CDKL4: variants seen among roughly 807,000 people sequenced by gnomAD.
CDKL4 encodes the protein cyclin dependent kinase like 4, also known as cyclin-dependent kinase-like 4.
Under a neutral mutation model 42.0 loss-of-function variants are expected in CDKL4, and 44 were observed. The ratio of observed to expected loss-of-function variants is 1.05; its 90% CI spans 0.82 to 1.35. The LOEUF is 1.35. Among genes scored for constraint, CDKL4 ranks in the 40% most tolerant of loss-of-function variants. The pLI is 0.00. For missense variants in CDKL4, 393 were observed against 369.9 expected (o/e 1.06, Z -0.51); for synonymous variants, 120 against 121.6 (o/e 0.99, Z 0.09).
At chr2:39,205,695 G>A (rs558370261) in intron 4 of CDKL4, among the ~76,000 whole-genome samples, 26 of 137,704 alleles carry the variant, frequency 1.9e-4, no homozygotes, top group Admixed American at 5.8e-4. Context: ...GGGAGGCAGA[G>A]CTTGCGGTGA....
intron 4 of CDKL4, among the ~76,000 whole-genome samples, chr2:39,211,350 T>G (rs1677575785): frequency 6.6e-6 from 1 of 152,138 alleles, no homozygotes; most frequent in African/African-American, 2.4e-5. Context: ...ATAACACCAC[T>G]GCACTCCAGC....
At chr2:39,169,275 T>G in the CDKL4 span, among the ~76,000 whole-genome samples, 3 of 152,306 alleles carry the variant, frequency 2.0e-5, no homozygotes, top group South Asian at 2.1e-4. Flanking sequence ...TTACACTCAT[T>G]AAAATCTAGT....
chr2:39,193,991 A>G (rs1331088235), intron 5 of CDKL4, among the ~76,000 whole-genome samples: 1 of 152,224 alleles, frequency 6.6e-6, no homozygotes, highest in Non-Finnish European at 1.5e-5. Flanking sequence ...CTCAGTAATA[A>G]ATGGTTCTAC....
intron 6 of CDKL4, among the ~76,000 whole-genome samples, chr2:39,188,344 C>T (rs778395089): frequency 6.6e-5 from 10 of 151,630 alleles, no homozygotes; most frequent in Admixed American, 1.3e-4. Flanking sequence ...AGGTGGATCA[C>T]GAAGTCAAGA....
Position 39,209,152 on chromosome 2 carries a change from T to TAAA in CDKL4, c.363+4247_363+4248insTTT, listed in dbSNP as rs1558566471. Among the ~76,000 whole-genome samples, 466 of 148,342 alleles carry TAAA rather than the reference T, an allele frequency of 3.1e-3. 9 individuals carry two copies. Among genetic ancestry groups the TAAA allele is most frequent in the East Asian group, 5.2e-3 (26 of 4,992 alleles). On this transcript the variant is annotated intron_variant, in intron 4 of 9. Transcript: ENST00000451199. ...TATCTCTACAAAAAAAAAAAAAAAT[T>TAAA]TTTTTTTTAAATTAGCCATGCATGA...
intron 3 of CDKL4, among the ~76,000 whole-genome samples, chr2:39,215,309 C>T (rs1250536630): frequency 6.6e-6 from 1 of 151,998 alleles, no homozygotes; most frequent in Non-Finnish European, 1.5e-5. Flanking sequence ...CCATTTTATG[C>T]CTTTATTGCT....
At chr2:39,207,613 A>G (rs1192381378) in intron 4 of CDKL4, among the ~76,000 whole-genome samples, 1 of 152,222 alleles carries the variant, frequency 6.6e-6, no homozygotes, top group Non-Finnish European at 1.5e-5. Flanking sequence ...ATATCTGTCC[A>G]TTGGCCTATA....
intron 9 of CDKL4, chr2:39,178,815 C>A: frequency 6.5e-7 from 1 of 1,543,096 alleles, no homozygotes; most frequent in South Asian, 1.2e-5. Context: ...CTGGAGGCTA[C>A]AGAAAGGCAC....
rs576363844 is a variant in CDKL4 at position 39,242,866 on chromosome 2, G to A, written c.-57+1005C>T. On this transcript the variant is annotated intron_variant, in intron 1 of 9. Coordinates refer to ENST00000451199, the Ensembl canonical transcript of CDKL4. ...TAATCCCAGCACTTTGGGAGGTTGA[G>A]GCGGGTGGAGCACTTGAAGCCAGGA... Among the ~76,000 whole-genome samples, 4 of 152,260 alleles carry A rather than the reference G, an allele frequency of 2.6e-5. No individual in the cohort carries two copies. The East Asian group carries it at 5.8e-4, about 22-fold the overall frequency.
the CDKL4 span, among the ~76,000 whole-genome samples, chr2:39,169,552 G>A: frequency 6.6e-6 from 1 of 152,122 alleles, no homozygotes; most frequent in East Asian, 1.9e-4. Context: ...GATATGACCA[G>A]GATACAAACA....
At chr2:39,192,278 T>C (rs1488195842) in intron 5 of CDKL4, among the ~76,000 whole-genome samples, 3 of 152,206 alleles carry the variant, frequency 2.0e-5, no homozygotes. Context: ...AAGGTAAATA[T>C]ACCCAAGTTT....
intron 5 of CDKL4, among the ~76,000 whole-genome samples, chr2:39,201,457 C>A (rs1275371209): frequency 6.6e-6 from 1 of 151,952 alleles, no homozygotes; most frequent in East Asian, 1.9e-4. Context: ...GATCCAGCAG[C>A]CCCACTCCTG....
At chr2:39,213,778 G>A (rs1384612272) in intron 3 of CDKL4, among the ~76,000 whole-genome samples, 1 of 152,060 alleles carries the variant, frequency 6.6e-6, no homozygotes, top group Non-Finnish European at 1.5e-5. Context: ...GAAAAGTAAA[G>A]GAATAAAATG....
At chr2:39,192,706 T>G (rs541598363) in intron 5 of CDKL4, among the ~76,000 whole-genome samples, 1 of 152,234 alleles carries the variant, frequency 6.6e-6, no homozygotes, top group African/African-American at 2.4e-5. Context: ...AATGGCTGCA[T>G]AACAGCTTAC....
At chr2:39,180,660 T>G (rs1675386364) in intron 8 of CDKL4, among the ~76,000 whole-genome samples, 1 of 151,992 alleles carries the variant, frequency 6.6e-6, no homozygotes, top group Non-Finnish European at 1.5e-5. Flanking sequence ...CCTAGTACTG[T>G]TAGGGCTACA....
exon 9 of CDKL4, chr2:39,179,299 T>G: frequency 6.2e-7 from 1 of 1,602,764 alleles, no homozygotes; most frequent in Non-Finnish European, 8.5e-7. Context: ...TAATCTGTCA[T>G]CTGGATTCAT....
At chr2:39,188,316 A>C (rs1675951885) in intron 6 of CDKL4, among the ~76,000 whole-genome samples, 1 of 151,982 alleles carries the variant, frequency 6.6e-6, no homozygotes, top group Non-Finnish European at 1.5e-5. Context: ...TAATCCCAGC[A>C]CTTTGGGAGG....
At chr2:39,183,033 G>A (rs1572941454) in intron 8 of CDKL4, among the ~76,000 whole-genome samples, 1 of 152,324 alleles carries the variant, frequency 6.6e-6, no homozygotes, top group East Asian at 1.9e-4. Context: ...TGTAATCTCA[G>A]CACTTTGGGA....
chr2:39,176,055 G>C (rs759842749), exon 10 of CDKL4: 3 of 470,740 alleles, frequency 6.4e-6, no homozygotes, highest in Non-Finnish European at 1.3e-5. Context: ...CATCAGGTGT[G>C]GGGGAGATGT....
Sources: gnomAD v4.1 joint callset for allele counts (sites outside exome capture counted in the v4.1 genomes callset) on GRCh38, gnomAD v4.1.1 for gene constraint, MANE v1.5 for transcripts, NCBI Gene and HGNC (gene_info 2026-07-23, HGNC 2026-07-21) for gene names.